Variants in C12orf42 observed in about 807,000 individuals in gnomAD.
The protein encoded by C12orf42 is chromosome 12 open reading frame 42, also known as uncharacterized protein C12orf42.
In C12orf42, 25 loss-of-function variants were observed where a neutral mutation model predicts 21.6. The ratio of observed to expected loss-of-function variants is 1.16; its 90% CI spans 0.84 to 1.62. C12orf42 has a LOEUF of 1.62. C12orf42 is among the 40% of genes most tolerant of loss of function. C12orf42 has a pLI of 0.00. For missense variants in C12orf42, 483 were observed against 459.3 expected, an observed-to-expected ratio of 1.05 and a Z score of -0.47; for synonymous variants, 174 against 175.0, an observed-to-expected ratio of 0.99 and a Z score of 0.05.
chr12:103,502,927 GAT>G, the C12orf42 span, among the ~76,000 whole-genome samples: 1 of 152,160 alleles, frequency 6.6e-6, no homozygotes, highest in East Asian at 1.9e-4. Context: ...ATATTACAGT[GAT>G]GTAGGATACT....
In C12orf42 at chr12:103,330,411, C is replaced by T. The variant is rs141238284; in HGVS notation, c.260-24066G>A. 8.3e-3 allele frequency among the ~76,000 whole-genome samples: 1,259 copies of T among 152,248 alleles called. 15 individuals carry two copies. The highest frequency in any genetic ancestry group is 7.8e-3 in the Non-Finnish European group (533 of 68,024). ...CGGGAATTACTCCCAGCGGTACATA[C>T]GGAATTCTAACAGGATTAGTCTCAT... On this transcript the variant is annotated intron_variant, in intron 4 of 5. Transcript: ENST00000548883.
At chr12:103,294,474 T>TAAGC (rs769684000) in intron 4 of C12orf42, among the ~76,000 whole-genome samples, 28,514 of 79,126 alleles carry the variant, frequency 0.36, 3,590 homozygotes, top group East Asian at 0.42. Context: ...AAGAAAGAAA[T>TAAGC]AAGCAAGCAA....
chr12:103,324,487 C>T (rs2040486245), intron 4 of C12orf42, among the ~76,000 whole-genome samples: 1 of 152,058 alleles, frequency 6.6e-6, no homozygotes, highest in Admixed American at 6.5e-5. Context: ...AGTCCTGAAC[C>T]CCAGGAATGA....
intron 10 of C12orf42, among the ~76,000 whole-genome samples, chr12:103,244,513 A>G (rs2033917335): frequency 6.6e-6 from 1 of 151,714 alleles, no homozygotes; most frequent in African/African-American, 2.4e-5. Context: ...TGTCAACTGT[A>G]AATATTCCTC....
intron 4 of C12orf42, among the ~76,000 whole-genome samples, chr12:103,364,342 T>C (rs1281646919): frequency 2.0e-5 from 3 of 151,846 alleles, no homozygotes; most frequent in Admixed American, 6.6e-5. Flanking sequence ...ACAGCAAATA[T>C]GATGCAAGGA....
the C12orf42 span, among the ~76,000 whole-genome samples, chr12:103,166,357 ATTG>A: frequency 2.6e-5 from 4 of 152,222 alleles, no homozygotes; most frequent in African/African-American, 9.6e-5. Context: ...GTTAGCTATT[ATTG>A]TTATTAAAGA....
At chr12:103,433,968 C>T (rs1042087099) in intron 2 of C12orf42, among the ~76,000 whole-genome samples, 8 of 152,162 alleles carry the variant, frequency 5.3e-5, no homozygotes, top group African/African-American at 1.4e-4. Context: ...GCATGATGTT[C>T]GAGAATTTCT....
the C12orf42 span, among the ~76,000 whole-genome samples, chr12:103,089,617 GTC>G: frequency 3.2e-5 from 4 of 123,768 alleles, no homozygotes; most frequent in Admixed American, 8.2e-5. Context: ...GGGTGTGTGT[GTC>G]TGTGTGTGTG....
the C12orf42 span, among the ~76,000 whole-genome samples, chr12:103,510,236 C>G: frequency 3.9e-5 from 6 of 152,168 alleles, no homozygotes; most frequent in Non-Finnish European, 8.8e-5. Flanking sequence ...GACTATTATT[C>G]TAAGTGAAGT....
At chr12:103,552,050 A>T in the C12orf42 span, among the ~76,000 whole-genome samples, 1 of 151,862 alleles carries the variant, frequency 6.6e-6, no homozygotes. Context: ...TTTAACTTAA[A>T]CTGTTTATTG....
At chr12:103,176,762 G>T in the C12orf42 span, among the ~76,000 whole-genome samples, 6 of 152,156 alleles carry the variant, frequency 3.9e-5, no homozygotes, top group Non-Finnish European at 1.5e-5. Flanking sequence ...TCAAAACAAA[G>T]TCCAATCTGG....
At chr12:103,246,699 G>A (rs1413503878) in intron 10 of C12orf42, among the ~76,000 whole-genome samples, 5 of 152,070 alleles carry the variant, frequency 3.3e-5, no homozygotes, top group Non-Finnish European at 7.4e-5. Flanking sequence ...CATATGGTCA[G>A]AGTAAACAAT....
the C12orf42 span, among the ~76,000 whole-genome samples, chr12:103,130,273 A>G: frequency 6.6e-6 from 1 of 151,394 alleles, no homozygotes; most frequent in African/African-American, 2.4e-5. Context: ...CTCTGAGGTC[A>G]TATAGCTATA....
chr12:103,094,742 T>C, the C12orf42 span, among the ~76,000 whole-genome samples: 21 of 152,318 alleles, frequency 1.4e-4, no homozygotes, highest in African/African-American at 5.1e-4. Flanking sequence ...AAATTCAAGA[T>C]ACACATTTGT....
At chr12:103,446,756 A>G (rs1238242831) in intron 2 of C12orf42, among the ~76,000 whole-genome samples, 1 of 152,008 alleles carries the variant, frequency 6.6e-6, no homozygotes, top group Non-Finnish European at 1.5e-5. Context: ...ACAGTTTAAA[A>G]AGACAAAGAG....
chr12:103,263,498 G>C (rs2035012202), intron 9 of C12orf42: 1 of 151,962 alleles, frequency 6.6e-6, no homozygotes, highest in Non-Finnish European at 1.5e-5. Flanking sequence ...GAACTTTCCT[G>C]TCAGGTGAGG....
intron 4 of C12orf42, among the ~76,000 whole-genome samples, chr12:103,348,335 G>T (rs2042813842): frequency 6.6e-6 from 1 of 152,154 alleles, no homozygotes; most frequent in South Asian, 2.1e-4. Flanking sequence ...ACAAGACAAG[G>T]AAGATCCTAC....
intron 3 of C12orf42, 71 bp from the exon 4 acceptor site, chr12:103,369,069 A>G (rs2044917956): frequency 2.8e-6 from 2 of 720,926 alleles, no homozygotes; most frequent in African/African-American, 3.6e-5. Flanking sequence ...CATGCCACCT[A>G]GCACTCTTAC....
the C12orf42 span, among the ~76,000 whole-genome samples, chr12:103,126,620 A>G: frequency 7.9e-5 from 12 of 152,244 alleles, no homozygotes; most frequent in Admixed American, 7.9e-4. Context: ...GGAAGACGCA[A>G]ACTTGTTTGC....
Sources: allele counts gnomAD v4.1 joint callset (sites outside exome capture counted in the v4.1 genomes callset), GRCh38; gene constraint gnomAD v4.1.1; transcripts MANE v1.5; gene names NCBI Gene and HGNC (gene_info 2026-07-23, HGNC 2026-07-21).